FRYL: variants seen among roughly 807,000 people sequenced by gnomAD.
The protein encoded by FRYL is FRY like transcription coactivator, also known as protein furry homolog-like.
FRYL carries 150 observed loss-of-function variants against 351.2 expected under a neutral mutation model. The ratio of observed to expected loss-of-function variants is 0.43; its 90% CI spans 0.37 to 0.49. FRYL has a LOEUF of 0.49. FRYL is among the 20% of genes least tolerant of loss of function. The pLI, the probability that FRYL is intolerant of heterozygous loss-of-function variation, is 0.00. For synonymous variants in FRYL, 1,153 were observed against 1,257.1 expected (o/e 0.92, Z 1.75); for missense variants, 3,036 against 3,619.3 (o/e 0.84, Z 4.13).
chr4:48,596,603 G>A (rs192896974), intron 13 of FRYL, among the ~76,000 whole-genome samples: 82 of 152,162 alleles, frequency 5.4e-4, no homozygotes, highest in Non-Finnish European at 9.4e-4. Flanking sequence ...AGAACATATG[G>A]TACCTACCTC....
chr4:48,716,727 G>T lies in FRYL; in HGVS notation c.-383-6029C>A, dbSNP rs566489377. 1.2e-4 allele frequency among the ~76,000 whole-genome samples: 18 copies of T among 151,520 alleles called. 1 individual carries two copies. The highest frequency in any genetic ancestry group is 4.1e-4 in the African/African-American group (17 of 41,414). ...AAGTCAGTGTGGCGATTTCTCAGGGGTCTAGAACTAGAAATACCATTTGAC... is the reference window on the plus strand; with the variant it reads ...AAGTCAGTGTGGCGATTTCTCAGGGTTCTAGAACTAGAAATACCATTTGAC... On this transcript the variant is annotated intron_variant, in intron 1 of 63. Coordinates refer to ENST00000358350, the MANE Select transcript of FRYL (RefSeq NM_015030.2).
intron 7 of FRYL, among the ~76,000 whole-genome samples, chr4:48,613,182 T>G (rs1578351670): frequency 6.6e-6 from 1 of 152,228 alleles, no homozygotes; most frequent in East Asian, 1.9e-4. Flanking sequence ...TTATAAAATA[T>G]GTTAAATAAT....
Position 48,498,460 on chromosome 4 carries a change from G to A in FRYL, c.*962C>T, listed in dbSNP as rs1290791451. The A allele has an allele frequency of 6.6e-6, 1 of 152,576 alleles. No homozygotes were observed. Among genetic ancestry groups the A allele is most frequent in the Non-Finnish European group, 1.5e-5 (1 of 68,026 alleles). 9.5% of individuals were successfully genotyped at this position (152,576 alleles called of 1,614,324 possible). A position where few individuals can be genotyped will look rare whatever the true frequency, so the allele number is the denominator to read the frequency against. On this transcript the variant is annotated 3_prime_UTR_variant, in exon 64 of 64. Coordinates refer to ENST00000358350, the MANE Select transcript of FRYL (RefSeq NM_015030.2). ...ACAGTTTCTATATGGAGTAAAATAA[G>A]TTAAAACTTTTCTAATGAGAATAGC...
intron 1 of FRYL, among the ~76,000 whole-genome samples, chr4:48,765,939 A>G (rs184343965): frequency 1.3e-5 from 2 of 152,300 alleles, no homozygotes; most frequent in East Asian, 1.9e-4. Flanking sequence ...AAAAACCACA[A>G]TGAGTTATCT....
intron 19 of FRYL, among the ~76,000 whole-genome samples, chr4:48,585,469 T>G (rs372768678): frequency 6.6e-6 from 1 of 152,202 alleles, no homozygotes; most frequent in East Asian, 1.9e-4. Context: ...AACTTACACC[T>G]AAGTGATAAA....
intron 17 of FRYL, among the ~76,000 whole-genome samples, chr4:48,590,450 T>C (rs1434046310): frequency 3.3e-5 from 5 of 151,938 alleles, no homozygotes; most frequent in Non-Finnish European, 7.4e-5. Flanking sequence ...CACCATGCCC[T>C]CCAGCCTGGG....
chr4:48,758,765 T>C (rs1437759616), intron 1 of FRYL, among the ~76,000 whole-genome samples: 2 of 152,216 alleles, frequency 1.3e-5, no homozygotes, highest in East Asian at 1.9e-4. Context: ...CAAGCTGCTA[T>C]AAAGACACAT....
rs988333240 is a variant in FRYL at position 48,658,578 on chromosome 4, A to G, written c.-80-24088T>C. Among the ~76,000 whole-genome samples, 7 of 124,276 alleles carry G rather than the reference A, an allele frequency of 5.6e-5. 3 individuals carry two copies. The allele number at this position is 124,276 out of a possible 152,430, so 81.5% of individuals were successfully genotyped here. A position where few individuals can be genotyped will look rare whatever the true frequency, so the allele number is the denominator to read the frequency against. ...ATGGCAAAACCCTCATCTCTACAAAAAAATACAAAAAAAAAAAAAAAAAAA... is the reference window on the plus strand; with the variant it reads ...ATGGCAAAACCCTCATCTCTACAAAGAAATACAAAAAAAAAAAAAAAAAAA... On this transcript the variant is annotated intron_variant, in intron 3 of 63. Transcript: ENST00000358350.
At chr4:48,511,310 G>A (rs1722425154) in intron 57 of FRYL, among the ~76,000 whole-genome samples, 1 of 152,134 alleles carries the variant, frequency 6.6e-6, no homozygotes, top group African/African-American at 2.4e-5. Flanking sequence ...CCTGTCTTGA[G>A]GAAGTTGTTC....
At chr4:48,573,662 G>A (rs1578181017) in intron 25 of FRYL, among the ~76,000 whole-genome samples, 1 of 152,232 alleles carries the variant, frequency 6.6e-6, no homozygotes, top group South Asian at 2.1e-4. Context: ...TGATTCTCCT[G>A]CCTCAGCCTC....
intron 1 of FRYL, among the ~76,000 whole-genome samples, chr4:48,722,243 G>C (rs191904284): frequency 1.4e-4 from 21 of 152,130 alleles, no homozygotes; most frequent in Non-Finnish European, 2.6e-4. Context: ...ACTAAGTTGT[G>C]ATAGTCTACT....
intron 4 of FRYL, among the ~76,000 whole-genome samples, chr4:48,633,902 C>T (rs1753741110): frequency 6.6e-6 from 1 of 152,122 alleles, no homozygotes; most frequent in African/African-American, 2.4e-5. Flanking sequence ...TTCAGTCTTT[C>T]TCTTCCCTCC....
At chr4:48,767,016 T>C (rs981449451) in intron 1 of FRYL, among the ~76,000 whole-genome samples, 1 of 147,642 alleles carries the variant, frequency 6.8e-6, no homozygotes, top group Non-Finnish European at 1.5e-5. Context: ...TTTTATATAT[T>C]ATATATAAAA....
At position 48,576,136 on chromosome 4, in the gene FRYL, C is replaced by A; in HGVS notation, c.2615G>T (p.Cys872Phe). 1.9e-6 allele frequency: 3 copies of A among 1,613,732 alleles called. No homozygotes were observed. Among genetic ancestry groups the A allele is most frequent in the Non-Finnish European group, 2.5e-6 (3 of 1,179,910 alleles). Residue 872 changes from cysteine (C) to phenylalanine (F), a missense_variant, in exon 24 of 64, where the codon TGC (cysteine) becomes TTC (phenylalanine). By Grantham distance (205) the Cys-to-Phe change is radical (BLOSUM62 -2). Around this residue, in one of 7 missense-constraint regions of FRYL, gnomAD observed 492 missense variants for 551.5 expected, o/e 0.89. Transcript: ENST00000358350. ...GLWRNYLILC[C>F]SAATSSSSTS... ...GGAAGATGACGATGTTGCTGCACTG[C>A]AGCAAAGGATCAGATAGTTTCTCCA...
At chr4:48,725,312 C>T (rs753192662) in intron 1 of FRYL, among the ~76,000 whole-genome samples, 1 of 152,216 alleles carries the variant, frequency 6.6e-6, no homozygotes, top group Non-Finnish European at 1.5e-5. Flanking sequence ...ATTCTCTGCA[C>T]TAAATACCAA....
chr4:48,564,343 G>A (rs1298731976), intron 30 of FRYL, among the ~76,000 whole-genome samples: 1 of 152,156 alleles, frequency 6.6e-6, no homozygotes, highest in Non-Finnish European at 1.5e-5. Flanking sequence ...TCTTCCAACA[G>A]AGCCCTGAAG....
chr4:48,606,418 T>G lies in FRYL; in HGVS notation c.741+20A>C, dbSNP rs764869330. The G allele has an allele frequency of 6.5e-7, 1 of 1,548,440 alleles. No homozygotes were observed. The highest frequency in any genetic ancestry group is 8.8e-7 in the Non-Finnish European group (1 of 1,130,930). On this transcript the variant is annotated intron_variant, in intron 10 of 63. Transcript: ENST00000358350. ...ACTGTTAGGCTTGCTCTATTTACTG[T>G]CATTTAGAAGGTATATCACCTGCAT... is the stretch of plus-strand genomic sequence containing the variant.
chr4:48,567,239 A>C lies in FRYL; in HGVS notation c.3169+9T>G. 6.3e-7 allele frequency: 1 copy of C among 1,598,506 alleles called. No homozygotes were observed. The highest frequency in any genetic ancestry group is 8.5e-7 in the Non-Finnish European group (1 of 1,174,946). Reference sequence around the variant, plus strand: ...ACTCAATAATGCTTTAAGAAACTGAAAATAATACCTGGAACATTCTGAATA... The same window carrying C: ...ACTCAATAATGCTTTAAGAAACTGACAATAATACCTGGAACATTCTGAATA... On this transcript the variant is annotated intron_variant, in intron 28 of 63. Transcript: ENST00000358350. This position sits in a 1 kb window ranked among gnomAD's most constrained non-coding sequence, Gnocchi z 4.2.
At chr4:48,606,682 C>A in intron 9 of FRYL, 76 bp from the exon 10 acceptor site, 1 of 1,185,586 alleles carries the variant, frequency 8.4e-7, no homozygotes. Context: ...GGGTAAAAAT[C>A]AAAAGGTATG....
Sources: allele counts gnomAD v4.1 joint callset (sites outside exome capture counted in the v4.1 genomes callset), GRCh38; gene constraint gnomAD v4.1.1; regional missense constraint gnomAD v4.1.1; non-coding constraint Gnocchi (gnomAD v3.1); transcripts MANE v1.5; gene names NCBI Gene and HGNC (gene_info 2026-07-23, HGNC 2026-07-21).